USPL1: variants seen among roughly 807,000 people sequenced by gnomAD.
USPL1 encodes SUMO-specific isopeptidase USPL1.
USPL1 carries 27 observed loss-of-function variants against 51.5 expected under a neutral mutation model. The observed-to-expected ratio is 0.52, with a 90% CI of 0.39 to 0.72. The LOEUF (loss-of-function observed/expected upper bound fraction) is 0.72, where lower values mean the gene tolerates loss of function less well. Ranked by LOEUF, USPL1 falls within the 30% of genes least tolerant of loss-of-function variation. The pLI, the probability that USPL1 is intolerant of heterozygous loss-of-function variation, is 0.00. For synonymous variants in USPL1, 451 were observed against 459.6 expected (o/e 0.98, Z 0.24); for missense variants, 1,226 against 1,268.0 (o/e 0.97, Z 0.50).
rs184226513 is a variant in USPL1, at chr13:30,658,335, A to G, written c.2258A>G (p.Lys753Arg). 6.2e-7 allele frequency: 1 copy of G among 1,614,016 alleles called. No homozygotes were observed. The highest frequency in any genetic ancestry group is 8.5e-7 in the Non-Finnish European group (1 of 1,180,030). ...CAGTCTCTGAAAGAAAATCAGAAGAAGCCATTTGTGGGAAGTTGGGTTAAA... is the reference window on the plus strand; with the variant it reads ...CAGTCTCTGAAAGAAAATCAGAAGAGGCCATTTGTGGGAAGTTGGGTTAAA... ...QNQSLKENQK[K>R]PFVGSWVKGL... Residue 753 changes from lysine to arginine, a missense_variant, in exon 9 of 9, where the codon AAG becomes AGG. Coordinates refer to ENST00000255304, the MANE Select transcript of USPL1 (RefSeq NM_005800.5).
chr13:30,646,507 AG>A (rs1951019368), intron 6 of USPL1, among the ~76,000 whole-genome samples: 1 of 152,248 alleles, frequency 6.6e-6, no homozygotes, highest in Non-Finnish European at 1.5e-5. Flanking sequence ...TGACAACCTT[AG>A]AACAGTGGTT....
chr13:30,658,562 C>T lies in USPL1; in HGVS notation c.2485C>T (p.Pro829Ser). ...ASKPPPISKP[P>S]AGPPSSNGTA... ...TAAGCCTCCTCCCATCAGTAAGCCA[C>T]CAGCAGGCCCTCCATCGTCTAATGG... Residue 829 changes from proline to serine, a missense_variant, in exon 9 of 9, where the codon CCA (proline) becomes TCA (serine). Pro to Ser is a moderately conservative substitution (Grantham distance 74, BLOSUM62 -1). Transcript: ENST00000255304. 6.2e-7 allele frequency: 1 copy of T among 1,614,178 alleles called. No homozygotes were observed. The highest frequency in any genetic ancestry group is 8.5e-7 in the Non-Finnish European group (1 of 1,180,018).
intron 7 of USPL1, among the ~76,000 whole-genome samples, chr13:30,651,690 G>A (rs924045828): frequency 2.6e-4 from 39 of 152,354 alleles, no homozygotes; most frequent in African/African-American, 7.9e-4. Flanking sequence ...GCCAGGCGTG[G>A]TGGCTTATGC....
At chr13:30,635,868 T>C (rs1269749682) in intron 4 of USPL1, among the ~76,000 whole-genome samples, 2 of 152,184 alleles carry the variant, frequency 1.3e-5, no homozygotes, top group Non-Finnish European at 2.9e-5. Context: ...CTAGGAAAGA[T>C]ATTAGAATAT....
Position 30,658,072 on chromosome 13 carries a change from A to G in USPL1, c.1995A>G (p.Ser665=). 2 of 1,613,320 alleles carry G rather than the reference A, an allele frequency of 1.2e-6. No individual in the cohort carries two copies. The highest frequency in any genetic ancestry group is 1.7e-6 in the Non-Finnish European group (2 of 1,179,954). Residue 665 remains serine (S), a synonymous_variant, in exon 9 of 9, where the codon TCA becomes TCG. Coordinates refer to ENST00000255304, the MANE Select transcript of USPL1 (RefSeq NM_005800.5). ...PSQVVNTNMQ[S]VQLNTEDTVN... is the part of the protein sequence containing the mutation. ...AAGTTGTAAATACAAACATGCAGTCAGTACAGCTGAATACAGAAGATACTG... is the reference window on the plus strand; with the variant it reads ...AAGTTGTAAATACAAACATGCAGTCGGTACAGCTGAATACAGAAGATACTG...
chr13:30,649,804 A>C (rs943696195), intron 7 of USPL1, among the ~76,000 whole-genome samples: 2 of 152,106 alleles, frequency 1.3e-5, no homozygotes, highest in African/African-American at 4.8e-5. Flanking sequence ...TTTCCTAAGG[A>C]TAGATCTTTA....
At chr13:30,630,715 A>G in intron 3 of USPL1, 120 bp from the exon 4 acceptor site, 1 of 1,140,606 alleles carries the variant, frequency 8.8e-7, no homozygotes, top group Non-Finnish European at 1.2e-6. Context: ...ATGTGTATAA[A>G]TATAACCTGT....
At chr13:30,651,878 C>T (rs1033164769) in intron 7 of USPL1, among the ~76,000 whole-genome samples, 1 of 152,090 alleles carries the variant, frequency 6.6e-6, no homozygotes, top group Non-Finnish European at 1.5e-5. Context: ...ATCACTTGAG[C>T]CCAGGAGGCG....
chr13:30,660,583 T>C lies in USPL1; in HGVS notation c.*1227T>C, dbSNP rs1473646733. 6.6e-6 allele frequency: 1 copy of C among 152,270 alleles called. No homozygotes were observed. The highest frequency in any genetic ancestry group is 2.4e-5 in the African/African-American group (1 of 41,470). 9.4% of individuals were successfully genotyped at this position (152,270 alleles called of 1,614,324 possible). ...TGTGTGACAGTTTTCCTTATGGTTGTGTGGCCTTCTGTAAGAGCCTACGCC... is the reference window on the plus strand; with the variant it reads ...TGTGTGACAGTTTTCCTTATGGTTGCGTGGCCTTCTGTAAGAGCCTACGCC... On this transcript the variant is annotated 3_prime_UTR_variant, in exon 9 of 9. Coordinates refer to ENST00000255304, the MANE Select transcript of USPL1 (RefSeq NM_005800.5).
chr13:30,653,831 T>TTGTTTTTCTCATA (rs2137715692), intron 8 of USPL1, among the ~76,000 whole-genome samples: 1 of 152,350 alleles, frequency 6.6e-6, no homozygotes, highest in African/African-American at 2.4e-5. Flanking sequence ...AATATTGAGT[T>TTGTTTTTCTCATA]TGTTTTTCTC....
At chr13:30,624,430 C>T (rs913235396) in intron 3 of USPL1, among the ~76,000 whole-genome samples, 1 of 152,152 alleles carries the variant, frequency 6.6e-6, no homozygotes, top group Non-Finnish European at 1.5e-5. Flanking sequence ...GCCCATGCAA[C>T]ATAGTGTGGC....
At chr13:30,637,285 ATTAG>A (rs1950889095) in intron 4 of USPL1, among the ~76,000 whole-genome samples, 1 of 152,206 alleles carries the variant, frequency 6.6e-6, no homozygotes, top group Non-Finnish European at 1.5e-5. Context: ...AATATGAGAT[ATTAG>A]TTTGGGAAAT....
Position 30,658,729 on chromosome 13 carries a change from G to C in USPL1, c.2652G>C (p.Gln884His), listed in dbSNP as rs1951209003. Residue 884 changes from glutamine (Q) to histidine (H), a missense_variant, in exon 9 of 9, where the codon CAG becomes CAC. By Grantham distance (24) the Gln-to-His change is conservative. Transcript: ENST00000255304. ...ACCATGAAGACTTGGTGGAAGGTCAGATTCATAAACTTCGTCTAAAACTTC... is the reference window on the plus strand; with the variant it reads ...ACCATGAAGACTTGGTGGAAGGTCACATTCATAAACTTCGTCTAAAACTTC... ...SANHEDLVEG[Q>H]IHKLRLKLRK... The C allele has an allele frequency of 1.2e-6, 2 of 1,614,196 alleles. No homozygotes were observed. The highest frequency in any genetic ancestry group is 1.6e-4 in the Middle Eastern group (1 of 6,062).
intron 3 of USPL1, among the ~76,000 whole-genome samples, chr13:30,629,279 A>G (rs1566048387): frequency 6.6e-6 from 1 of 152,092 alleles, no homozygotes; most frequent in Non-Finnish European, 1.5e-5. Flanking sequence ...CGAGGCAGGC[A>G]GATTGCTTGA....
At chr13:30,635,853 G>A (rs1950868994) in intron 4 of USPL1, among the ~76,000 whole-genome samples, 1 of 152,072 alleles carries the variant, frequency 6.6e-6, no homozygotes, top group African/African-American at 2.4e-5. Context: ...TTACTGACTA[G>A]TTTCCTAGGA....
rs767546143 is a variant in USPL1 at position 30,658,650 on chromosome 13, CAT to C, written c.2574_2575del (p.Cys859TrpfsTer19). On this transcript the variant is annotated frameshift_variant, in exon 9 of 9. Coordinates refer to ENST00000255304, the MANE Select transcript of USPL1 (RefSeq NM_005800.5). LOFTEE classifies it low-confidence loss of function (END_TRUNC). ...GTTTTGGAAAAGTCTGGAAGCACCTCATGTGGAGCTCAACTCAACCACAGTTC... is the reference window on the plus strand; with the variant it reads ...GTTTTGGAAAAGTCTGGAAGCACCTCGTGGAGCTCAACTCAACCACAGTTC... 10 of 1,614,126 alleles carry C rather than the reference CAT, an allele frequency of 6.2e-6. No homozygotes were observed. The highest frequency in any genetic ancestry group is 4.4e-5 in the South Asian group (4 of 91,094).
intron 5 of USPL1, 66 bp from the exon 6 acceptor site, chr13:30,642,562 C>T: frequency 6.4e-7 from 1 of 1,562,828 alleles, no homozygotes. Context: ...GACAATAGTT[C>T]ACAATTTTGG....
At chr13:30,632,949 A>G (rs1418758931) in intron 4 of USPL1, among the ~76,000 whole-genome samples, 1 of 152,214 alleles carries the variant, frequency 6.6e-6, no homozygotes, top group African/African-American at 2.4e-5. Context: ...GAATTAAAAC[A>G]TTCCCAATAA....
In USPL1 at chr13:30,631,309, C is replaced by T. The variant is rs771154473; in HGVS notation, c.703C>T (p.Leu235Phe). The T allele has an allele frequency of 9.9e-6, 16 of 1,614,144 alleles. No homozygotes were observed. The highest frequency in any genetic ancestry group is 2.2e-5 in the South Asian group (2 of 91,074). The change falls in exon 4 of 9, where the codon CTC becomes TTC. Residue 235 changes from leucine to phenylalanine, a missense_variant. Physicochemically the swap from Leu to Phe is conservative, Grantham distance 22. Coordinates refer to ENST00000255304, the MANE Select transcript of USPL1 (RefSeq NM_005800.5). ...LCVQWKNAYALCWLDCILSAL... is the reference protein window; with the variant it reads ...LCVQWKNAYAFCWLDCILSAL... ...TGTCCAGTGGAAAAATGCTTATGCT[C>T]TCTGTTGGTTAGACTGTATCCTGTC...
Sources: gnomAD v4.1 joint callset for allele counts (sites outside exome capture counted in the v4.1 genomes callset) on GRCh38, gnomAD v4.1.1 for gene constraint, MANE v1.5 for transcripts, NCBI Gene and HGNC (gene_info 2026-07-23, HGNC 2026-07-21) for gene names.